SORCS2: variants seen among roughly 807,000 people sequenced by gnomAD.
SORCS2 encodes VPS10 domain-containing receptor SorCS2.
Under a neutral mutation model 141.6 loss-of-function variants are expected in SORCS2, and 100 were observed. The observed-to-expected ratio is 0.71, with a 90% confidence interval of 0.60 to 0.83. The LOEUF (loss-of-function observed/expected upper bound fraction) is 0.83. Among genes scored for constraint, SORCS2 ranks in the 40% least tolerant of loss-of-function variants. The pLI is 0.00. For missense variants in SORCS2, 1,646 were observed against 1,560.2 expected, an observed-to-expected ratio of 1.05 and a Z score of -0.93; for synonymous variants, 789 against 676.9, an observed-to-expected ratio of 1.17 and a Z score of -2.57.
intron 2 of SORCS2, among the ~76,000 whole-genome samples, chr4:7,523,354 C>T (rs780094379): frequency 3.3e-5 from 5 of 152,208 alleles, no homozygotes; most frequent in Non-Finnish European, 5.9e-5. Context: ...AACCTGTTCA[C>T]CTGAGGTCAC....
chr4:7,207,341 C>A (rs1290816063), intron 1 of SORCS2, among the ~76,000 whole-genome samples: 1 of 152,256 alleles, frequency 6.6e-6, no homozygotes, highest in African/African-American at 2.4e-5. Context: ...GAGCCCCTCC[C>A]GCCCACACAG....
intron 1 of SORCS2, chr4:7,381,945 C>T: frequency 1.0e-6 from 1 of 986,274 alleles, no homozygotes; most frequent in Non-Finnish European, 1.2e-6. Flanking sequence ...CTCCATTCCA[C>T]TAGCCTCTCT....
chr4:7,312,965 C>T (rs1015860120), intron 1 of SORCS2, among the ~76,000 whole-genome samples: 2 of 152,254 alleles, frequency 1.3e-5, no homozygotes, highest in African/African-American at 4.8e-5. Context: ...ATAGCTGGCT[C>T]CAGGGGACCT....
intron 1 of SORCS2, among the ~76,000 whole-genome samples, chr4:7,281,354 T>C (rs1715865544): frequency 6.6e-6 from 1 of 152,164 alleles, no homozygotes; most frequent in Admixed American, 6.5e-5. Flanking sequence ...CATTTCTCCG[T>C]AGCCCCTTCA....
intron 2 of SORCS2, among the ~76,000 whole-genome samples, chr4:7,528,431 G>C (rs1301542573): frequency 6.6e-6 from 1 of 151,232 alleles, no homozygotes; most frequent in Non-Finnish European, 1.5e-5. Flanking sequence ...TTTTTTGTTT[G>C]TTTGTTTGTT....
chr4:7,375,773 C>T (rs533778910), intron 1 of SORCS2, among the ~76,000 whole-genome samples: 10 of 152,320 alleles, frequency 6.6e-5, no homozygotes, highest in African/African-American at 9.6e-5. Flanking sequence ...TATTGGCTGC[C>T]GGCACTGTGT....
intron 1 of SORCS2, among the ~76,000 whole-genome samples, chr4:7,350,519 C>T (rs1379164577): frequency 6.6e-6 from 1 of 152,224 alleles, no homozygotes; most frequent in African/African-American, 2.4e-5. Context: ...GTGGCTGGGC[C>T]TGCAGCTCCT....
rs375944986 is a variant in SORCS2, at chr4:7,540,608, G to C, written c.648+8979G>C. Among the ~76,000 whole-genome samples the C allele has an allele frequency of 5.6e-4, 86 of 152,352 alleles. 1 individual carries two copies. In the South Asian group the frequency reaches 0.017, roughly 30 times the overall value. On this transcript the variant is annotated intron_variant, in intron 3 of 26. Coordinates refer to ENST00000507866, the MANE Select transcript of SORCS2 (RefSeq NM_020777.3). The stretch of plus-strand genomic sequence containing the variant: ...TGCCGAGATGCTTTGGCGCTGCGCT[G>C]CATCCTGCTGCGCAGTTCTTCCTCC...
chr4:7,736,916 G>A (rs987052731), intron 25 of SORCS2, 153 bp from the exon 26 acceptor site: 18 of 924,346 alleles, frequency 1.9e-5, no homozygotes, highest in Non-Finnish European at 2.4e-5. Context: ...AGATGGGGCA[G>A]GAGGCAAAAC....
chr4:7,593,373 G>A (rs2108778348), intron 3 of SORCS2, among the ~76,000 whole-genome samples: 1 of 152,312 alleles, frequency 6.6e-6, no homozygotes, highest in Non-Finnish European at 1.5e-5. Context: ...AGCAGGTGAG[G>A]CGGGAGGTAC....
chr4:7,376,916 G>T (rs5026892), intron 1 of SORCS2, among the ~76,000 whole-genome samples: 1 of 149,238 alleles, frequency 6.7e-6, no homozygotes, highest in Non-Finnish European at 1.5e-5. Flanking sequence ...CCCAGCCCAC[G>T]GATGTTCCAG....
At chr4:7,299,374 C>T (rs1647064610) in intron 1 of SORCS2, among the ~76,000 whole-genome samples, 1 of 152,234 alleles carries the variant, frequency 6.6e-6, no homozygotes, top group African/African-American at 2.4e-5. Context: ...CGCTTGTCTT[C>T]CCCTCAGATG....
intron 11 of SORCS2, among the ~76,000 whole-genome samples, chr4:7,691,897 T>C (rs1724279970): frequency 6.6e-6 from 1 of 152,032 alleles, no homozygotes. Flanking sequence ...CATCTCTCAG[T>C]GCACCCCTGA....
intron 10 of SORCS2, 80 bp downstream of exon 10, chr4:7,682,969 TG>T (rs1723623132): frequency 2.0e-6 from 3 of 1,508,026 alleles, no homozygotes; most frequent in Non-Finnish European, 2.7e-6. Context: ...AGGTCAGAGG[TG>T]GTGATGTCTG....
chr4:7,569,227 C>T (rs1362608527), intron 3 of SORCS2, among the ~76,000 whole-genome samples: 1 of 152,178 alleles, frequency 6.6e-6, no homozygotes, highest in East Asian at 1.9e-4. Context: ...GAAATATCCA[C>T]AGAGGCTGGG....
chr4:7,498,257 A>C (rs1247770795), intron 2 of SORCS2, among the ~76,000 whole-genome samples: 1 of 152,136 alleles, frequency 6.6e-6, no homozygotes, highest in Non-Finnish European at 1.5e-5. Context: ...AGGACTCAAG[A>C]GGTTCTGTGG....
In SORCS2 at chr4:7,467,482, A is replaced by G. The variant is rs116600776; in HGVS notation, c.549-64048A>G. ...CATCATCACTCTGGCCTCCGAGTCA[A>G]GTGACATCTCATTCATAAGGTGACA... On this transcript the variant is annotated intron_variant, in intron 2 of 26. Coordinates refer to ENST00000507866, the MANE Select transcript of SORCS2 (RefSeq NM_020777.3). Among the ~76,000 whole-genome samples, 1,078 of 152,284 alleles carry G rather than the reference A, an allele frequency of 7.1e-3. 12 individuals carry two copies. The highest frequency in any genetic ancestry group is 0.024 in the African/African-American group (1,016 of 41,564).
At chr4:7,705,120 A>G (rs6827478) in intron 14 of SORCS2, among the ~76,000 whole-genome samples, 67,024 of 151,994 alleles carry the variant, frequency 0.44, 15,895 homozygotes, top group East Asian at 0.8. Context: ...GCGGACCCTG[A>G]TCCAATGACT....
chr4:7,514,886 G>T (rs575594153), intron 2 of SORCS2, among the ~76,000 whole-genome samples: 4 of 152,268 alleles, frequency 2.6e-5, no homozygotes, highest in East Asian at 3.9e-4. Flanking sequence ...TAGACTGTCC[G>T]CATGGCCTGG....
Sources: gnomAD v4.1 joint callset for allele counts (sites outside exome capture counted in the v4.1 genomes callset) on GRCh38, gnomAD v4.1.1 for gene constraint, MANE v1.5 for transcripts, NCBI Gene and HGNC (gene_info 2026-07-23, HGNC 2026-07-21) for gene names.